MBD5: variants seen among roughly 807,000 people sequenced by gnomAD.
MBD5 encodes methyl-CpG-binding domain protein 5.
MBD5 carries 13 observed loss-of-function variants against 117.3 expected under a neutral mutation model. The ratio of observed to expected loss-of-function variants is 0.11; its 90% CI spans 0.07 to 0.18. The LOEUF (loss-of-function observed/expected upper bound fraction) is 0.18. MBD5 is among the 10% of genes least tolerant of loss of function. The probability of loss-of-function intolerance (pLI) is 1.00; values close to 1 mark genes in which losing one functional copy is unlikely to be tolerated. For missense variants in MBD5, 1,879 were observed against 2,093.8 expected (o/e 0.90, Z 2.00); for synonymous variants, 727 against 766.4 (o/e 0.95, Z 0.85).
intron 4 of MBD5, among the ~76,000 whole-genome samples, chr2:148,434,774 T>A (rs1346215841): frequency 6.6e-6 from 1 of 152,194 alleles, no homozygotes; most frequent in Non-Finnish European, 1.5e-5. Context: ...TATGTCCGTT[T>A]GGTCAAGAGT....
chr2:148,507,648 A>C (rs1309418374), intron 12 of MBD5, among the ~76,000 whole-genome samples: 1 of 151,420 alleles, frequency 6.6e-6, no homozygotes, highest in African/African-American at 2.4e-5. Context: ...AGTCCCAGCT[A>C]CTCGAGGGGG....
At chr2:148,205,931 G>A (rs1342532482) in intron 2 of MBD5, among the ~76,000 whole-genome samples, 2 of 151,778 alleles carry the variant, frequency 1.3e-5, no homozygotes, top group African/African-American at 4.8e-5. Context: ...ACTTGAGCCC[G>A]GGAGTTCGAG....
chr2:148,263,447 GT>G (rs1428033463), intron 3 of MBD5, among the ~76,000 whole-genome samples: 1 of 152,126 alleles, frequency 6.6e-6, no homozygotes, highest in African/African-American at 2.4e-5. Flanking sequence ...AAGTTTATAA[GT>G]TTTTCCCTGT....
chr2:148,267,515 T>C (rs1700886665), intron 3 of MBD5, among the ~76,000 whole-genome samples: 1 of 152,172 alleles, frequency 6.6e-6, no homozygotes, highest in Non-Finnish European at 1.5e-5. Context: ...TTCTGATTTC[T>C]CTCCCATTTT....
At chr2:148,050,293 A>G (rs752942722) in intron 1 of MBD5, among the ~76,000 whole-genome samples, 3 of 152,112 alleles carry the variant, frequency 2.0e-5, no homozygotes, top group Non-Finnish European at 2.9e-5. Context: ...GATGTTCCAA[A>G]TGTTTTCATG....
rs565338299 is a variant in MBD5, at chr2:148,108,541, GA to G, written c.-924-70145del. Among the ~76,000 whole-genome samples, 489 of 116,282 alleles carry G rather than the reference GA, an allele frequency of 4.2e-3. 1 individual carries two copies. The highest frequency in any genetic ancestry group is 0.013 in the Middle Eastern group (3 of 236). The allele number at this position is 116,282 out of a possible 152,430, so 76.3% of individuals were successfully genotyped here. A position where few individuals can be genotyped will look rare whatever the true frequency, so the allele number is the denominator to read the frequency against. On this transcript the variant is annotated intron_variant, in intron 1 of 13. Coordinates refer to ENST00000642680, the MANE Select transcript of MBD5 (RefSeq NM_001378120.1). ...CCCACCTTCTGAAGCAAGAAAAAAA[GA>G]AAAAAAAAAAAAAGCTAACGCTCAA...
chr2:148,170,096 A>G (rs764304300), intron 1 of MBD5, among the ~76,000 whole-genome samples: 3 of 151,828 alleles, frequency 2.0e-5, no homozygotes, highest in Non-Finnish European at 4.4e-5. Context: ...ACGGGGTTTC[A>G]CCGTTTTAGC....
rs73965448 is a variant in MBD5 at position 148,513,640 on chromosome 2, T to C, written c.*699T>C. On this transcript the variant is annotated 3_prime_UTR_variant, in exon 14 of 14. Transcript: ENST00000642680. ...TTTCGGGTGTCTAGGAAATTGCAAC[T>C]TTGCAGATTTCTAAAGGGATGAGGG... The C allele has an allele frequency of 0.15, 22,753 of 152,220 alleles. 1,973 individuals are homozygous for C. Among genetic ancestry groups the C allele is most frequent in the African/African-American group, 0.24 (10,027 of 41,464 alleles). 9.4% of individuals were successfully genotyped at this position (152,220 alleles called of 1,614,324 possible).
intron 12 of MBD5, chr2:148,502,869 T>A (rs567481350): frequency 2.9e-6 from 1 of 346,636 alleles, no homozygotes; most frequent in South Asian, 3.1e-5. Flanking sequence ...TTCAAATACT[T>A]TGGGGAGTAA....
chr2:148,483,034 T>G, intron 8 of MBD5, 76 bp from the exon 9 acceptor site: 1 of 1,491,412 alleles, frequency 6.7e-7, no homozygotes, highest in South Asian at 1.2e-5. Flanking sequence ...TTTATGTTAA[T>G]GCATTTTTAT....
At chr2:148,446,413 A>G (rs1439910317) in intron 4 of MBD5, among the ~76,000 whole-genome samples, 1 of 152,084 alleles carries the variant, frequency 6.6e-6, no homozygotes, top group Admixed American at 6.6e-5. Context: ...AAACAAACAA[A>G]CAAACAGAAC....
At chr2:148,039,055 C>A (rs561587448) in intron 1 of MBD5, among the ~76,000 whole-genome samples, 1 of 152,032 alleles carries the variant, frequency 6.6e-6, no homozygotes, top group Non-Finnish European at 1.5e-5. Context: ...CAGCAGACTA[C>A]AGACAAAAAT....
chr2:148,083,682 C>A (rs1270840891), intron 1 of MBD5, among the ~76,000 whole-genome samples: 1 of 151,988 alleles, frequency 6.6e-6, no homozygotes, highest in Non-Finnish European at 1.5e-5. Context: ...GGCTGTAGTG[C>A]AGTCGCGCGA....
At chr2:148,079,716 G>C (rs375035577) in intron 1 of MBD5, among the ~76,000 whole-genome samples, 5 of 151,944 alleles carry the variant, frequency 3.3e-5, no homozygotes, top group African/African-American at 1.2e-4. Context: ...AATTAGCCAG[G>C]CATGGTGGTG....
At chr2:148,167,640 C>T (rs1698159556) in intron 1 of MBD5, among the ~76,000 whole-genome samples, 1 of 152,126 alleles carries the variant, frequency 6.6e-6, no homozygotes, top group African/African-American at 2.4e-5. Context: ...GTTATCATTG[C>T]TCCATTAAAA....
chr2:148,251,310 T>C (rs952905901), intron 3 of MBD5, among the ~76,000 whole-genome samples: 8 of 152,186 alleles, frequency 5.3e-5, no homozygotes, highest in Admixed American at 1.3e-4. Flanking sequence ...ATTTGAATCG[T>C]TTATTTCACT....
chr2:148,060,796 C>T (rs1450456770), intron 1 of MBD5, among the ~76,000 whole-genome samples: 1 of 151,956 alleles, frequency 6.6e-6, no homozygotes, highest in African/African-American at 2.4e-5. Flanking sequence ...TGATTTTTAC[C>T]ATTCTTCACA....
At chr2:148,495,022 T>G (rs1295644770) in intron 11 of MBD5, among the ~76,000 whole-genome samples, 1 of 152,194 alleles carries the variant, frequency 6.6e-6, no homozygotes, top group South Asian at 2.1e-4. Flanking sequence ...ATAGTTATAC[T>G]TGTTCTAAAT....
chr2:148,213,303 G>C (rs571937606), intron 2 of MBD5, among the ~76,000 whole-genome samples: 5 of 152,002 alleles, frequency 3.3e-5, no homozygotes, highest in Non-Finnish European at 7.4e-5. Flanking sequence ...ACAAAAATTT[G>C]AGAAACTATA....
Sources: allele counts gnomAD v4.1 joint callset (sites outside exome capture counted in the v4.1 genomes callset), GRCh38; gene constraint gnomAD v4.1.1; transcripts MANE v1.5; gene names NCBI Gene and HGNC (gene_info 2026-07-23, HGNC 2026-07-21).